The following PEAK1 variants were observed in gnomAD, a reference collection of about 807,000 sequenced individuals.
PEAK1 encodes pseudopodium enriched atypical kinase 1.
Under a neutral mutation model 124.7 loss-of-function variants are expected in PEAK1, and 54 were observed. That is an observed-to-expected ratio of 0.43 (90% CI 0.35 to 0.54). The LOEUF is 0.54. PEAK1 is among the 20% of genes least tolerant of loss of function. PEAK1 has a pLI of 0.01. For synonymous variants in PEAK1, 719 were observed against 760.0 expected, an observed-to-expected ratio of 0.95 and a Z score of 0.89; for missense variants, 2,046 against 2,134.5, an observed-to-expected ratio of 0.96 and a Z score of 0.82.
intron 2 of PEAK1, chr15:77,335,885 C>T (rs922638592): frequency 6.1e-6 from 6 of 985,246 alleles, no homozygotes; most frequent in African/African-American, 1.7e-5. Context: ...CCATCCTTCC[C>T]ACCCCAATCA....
chr15:77,336,339 C>G (rs2066198405), intron 2 of PEAK1: 1 of 985,284 alleles, frequency 1.0e-6, no homozygotes, highest in Admixed American at 6.1e-5. Context: ...CCCTCATATT[C>G]TCTCACCAAA....
chr15:77,323,140 A>G (rs992436477), intron 2 of PEAK1, among the ~76,000 whole-genome samples: 14 of 152,230 alleles, frequency 9.2e-5, no homozygotes, highest in East Asian at 5.8e-4. Flanking sequence ...TCTCAAAATA[A>G]TAAGAGCTAT....
At chr15:77,324,904 G>T (rs1442422505) in intron 2 of PEAK1, among the ~76,000 whole-genome samples, 1 of 151,940 alleles carries the variant, frequency 6.6e-6, no homozygotes, top group African/African-American at 2.4e-5. Flanking sequence ...ATTTGGATGG[G>T]GACACAGATT....
At chr15:77,224,534 T>C (rs562241733) in intron 6 of PEAK1, among the ~76,000 whole-genome samples, 2 of 152,168 alleles carry the variant, frequency 1.3e-5, no homozygotes, top group Admixed American at 6.6e-5. Flanking sequence ...TCTTTAAAAA[T>C]GCTGTTTTAG....
chr15:77,402,996 T>C (rs766205729), intron 1 of PEAK1: 2 of 985,428 alleles, frequency 2.0e-6, no homozygotes, highest in Non-Finnish European at 2.4e-6. Context: ...GCTCTTGCAT[T>C]ATGATTTTGT....
rs1426905425 is a variant in PEAK1, at chr15:77,114,699, C to T, written c.4698G>A (p.Val1566=). ...FSQAKQKSHL[V]DPEILRDQSR... Reference sequence around the variant, plus strand: ...ACTGGTCCCGGAGGATCTCGGGGTCCACCAGATGGCTCTTCTGCTTGGCCT... The same window carrying T: ...ACTGGTCCCGGAGGATCTCGGGGTCTACCAGATGGCTCTTCTGCTTGGCCT... The change falls in exon 10 of 10, where the codon GTG becomes GTA. Residue 1566 remains valine, a synonymous_variant. Transcript: ENST00000682557. 1 of 1,613,724 alleles carries T rather than the reference C, an allele frequency of 6.2e-7. No individual in the cohort carries two copies. Among genetic ancestry groups the T allele is most frequent in the Admixed American group, 1.7e-5 (1 of 60,000 alleles).
intron 9 of PEAK1, among the ~76,000 whole-genome samples, chr15:77,127,241 T>C (rs2052455828): frequency 6.6e-6 from 1 of 152,216 alleles, no homozygotes; most frequent in Admixed American, 6.5e-5. Flanking sequence ...CCAAATCAGC[T>C]AGAACCTTGA....
intron 2 of PEAK1, among the ~76,000 whole-genome samples, chr15:77,343,777 C>T (rs759280508): frequency 8.5e-5 from 13 of 152,066 alleles, no homozygotes; most frequent in East Asian, 1.9e-4. Flanking sequence ...TGAGAAACCG[C>T]GCCGGCCTTA....
In PEAK1 at chr15:77,114,683, G is replaced by A. The variant is rs117082987; in HGVS notation, c.4714C>T (p.Arg1572Trp). The A allele has an allele frequency of 3.6e-5, 58 of 1,613,812 alleles. No individual in the cohort carries two copies. Among genetic ancestry groups the A allele is most frequent in the East Asian group, 4.5e-5 (2 of 44,828 alleles). Reference sequence around the variant, plus strand: ...TCTGGGGCAAGGCGAGACTGGTCCCGGAGGATCTCGGGGTCCACCAGATGG... The same window carrying A: ...TCTGGGGCAAGGCGAGACTGGTCCCAGAGGATCTCGGGGTCCACCAGATGG... ...KSHLVDPEIL[R>W]DQSRLAPEII... Residue 1572 changes from arginine (R) to tryptophan (W), a missense_variant, in exon 10 of 10, where the codon CGG becomes TGG. Transcript: ENST00000682557.
chr15:77,313,751 T>TTTTC (rs2064685434), intron 2 of PEAK1, among the ~76,000 whole-genome samples: 1 of 139,770 alleles, frequency 7.2e-6, no homozygotes, highest in African/African-American at 2.6e-5. Flanking sequence ...TTTATTTATT[T>TTTTC]ATTTATTTTT....
intron 2 of PEAK1, among the ~76,000 whole-genome samples, chr15:77,289,839 A>C (rs1483137078): frequency 6.6e-6 from 1 of 152,224 alleles, no homozygotes; most frequent in Non-Finnish European, 1.5e-5. Flanking sequence ...TCAAAAAGAA[A>C]GAAAGAAACC....
At chr15:77,325,407 C>CAATAAATA (rs140910763) in intron 2 of PEAK1, among the ~76,000 whole-genome samples, 3,661 of 144,180 alleles carry the variant, frequency 0.025, 81 homozygotes, top group African/African-American at 0.058. Context: ...GATCCCATCT[C>CAATAAATA]AATAAATAAA....
At chr15:77,193,165 C>T (rs938314800) in intron 6 of PEAK1, among the ~76,000 whole-genome samples, 2 of 152,076 alleles carry the variant, frequency 1.3e-5, no homozygotes, top group Non-Finnish European at 2.9e-5. Flanking sequence ...CTTTAATAAC[C>T]TGAAACAAAA....
Position 77,288,447 on chromosome 15 carries a change from C to G in PEAK1, c.-602-1943G>C, listed in dbSNP as rs115479886. On this transcript the variant is annotated intron_variant, in intron 2 of 9. Coordinates refer to ENST00000682557, the MANE Select transcript of PEAK1 (RefSeq NM_001385026.1). The stretch of plus-strand genomic sequence containing the variant: ...TCTCTACACCACCAAGCTCACATAT[C>G]ATTGCAACAAGCACTCAGGAGATAT... Among the ~76,000 whole-genome samples the G allele has an allele frequency of 2.2e-3, 338 of 152,310 alleles. 1 individual carries two copies. Among genetic ancestry groups the G allele is most frequent in the African/African-American group, 7.7e-3 (322 of 41,568 alleles).
intron 2 of PEAK1, among the ~76,000 whole-genome samples, chr15:77,338,644 A>AAT (rs1555487054): frequency 3.7e-5 from 5 of 135,902 alleles, no homozygotes; most frequent in African/African-American, 8.5e-5. Context: ...TAAAAAAAAA[A>AAT]ATATATATAT....
intron 2 of PEAK1, chr15:77,352,083 G>T: frequency 3.7e-6 from 3 of 812,980 alleles, no homozygotes; most frequent in Non-Finnish European, 4.5e-6. Context: ...GGCCAGGCAT[G>T]GTGATACATG....
chr15:77,304,805 T>C (rs756520878), intron 2 of PEAK1, among the ~76,000 whole-genome samples: 5 of 152,122 alleles, frequency 3.3e-5, no homozygotes, highest in African/African-American at 1.2e-4. Context: ...GGAGTGCTAT[T>C]GTAAATGGTA....
chr15:77,352,293 A>T (rs2067256702), intron 2 of PEAK1: 1 of 985,250 alleles, frequency 1.0e-6, no homozygotes, highest in Admixed American at 6.2e-5. Flanking sequence ...CCAGGAAGTG[A>T]GCAGTGCAGA....
rs78949325 is a variant in PEAK1, at chr15:77,276,192, A to G, written c.-275+7691T>C. ...GGACAGAAAAATAATTTGAAAAAAT[A>G]TGAACTGAAAAGTTCTCAAAAGACA... On this transcript the variant is annotated intron_variant, in intron 5 of 9. Coordinates refer to ENST00000682557, the MANE Select transcript of PEAK1 (RefSeq NM_001385026.1). Among the ~76,000 whole-genome samples the G allele has an allele frequency of 7.3e-3, 1,110 of 152,318 alleles. 15 individuals are homozygous for G. The highest frequency in any genetic ancestry group is 0.025 in the African/African-American group (1,055 of 41,578).
Sources: allele counts gnomAD v4.1 joint callset (sites outside exome capture counted in the v4.1 genomes callset), GRCh38; gene constraint gnomAD v4.1.1; transcripts MANE v1.5; gene names NCBI Gene and HGNC (gene_info 2026-07-23, HGNC 2026-07-21).